The following PEAK1 variants were observed in gnomAD, a reference collection of about 807,000 sequenced individuals.
PEAK1 encodes pseudopodium enriched atypical kinase 1, also known as inactive tyrosine-protein kinase PEAK1.
Under a neutral mutation model 124.7 loss-of-function variants are expected in PEAK1, and 54 were observed. The ratio of observed to expected loss-of-function variants is 0.43; its 90% CI spans 0.35 to 0.54. PEAK1 has a LOEUF of 0.54. PEAK1 is among the 20% of genes least tolerant of loss of function. The pLI, the probability that PEAK1 is intolerant of heterozygous loss-of-function variation, is 0.01. For missense variants in PEAK1, 2,046 were observed against 2,134.5 expected (o/e 0.96, Z 0.82); for synonymous variants, 719 against 760.0 (o/e 0.95, Z 0.89).
intron 6 of PEAK1, among the ~76,000 whole-genome samples, chr15:77,232,514 C>T (rs959921973): frequency 6.6e-5 from 10 of 152,192 alleles, no homozygotes; most frequent in East Asian, 1.9e-4. Context: ...CCAGGTCACT[C>T]GCTACTTAGC....
intron 6 of PEAK1, among the ~76,000 whole-genome samples, chr15:77,222,643 T>C (rs2059440740): frequency 6.6e-6 from 1 of 151,886 alleles, no homozygotes; most frequent in South Asian, 2.1e-4. Flanking sequence ...TGGTGATTGA[T>C]TTTTCTTGCA....
intron 1 of PEAK1, chr15:77,402,082 C>T (rs1356313316): frequency 6.2e-6 from 5 of 806,422 alleles, no homozygotes; most frequent in Non-Finnish European, 7.5e-6. Flanking sequence ...ACCTATAATC[C>T]CAGCTACTAT....
intron 8 of PEAK1, among the ~76,000 whole-genome samples, chr15:77,148,095 C>T (rs907218899): frequency 6.6e-6 from 1 of 152,094 alleles, no homozygotes; most frequent in African/African-American, 2.4e-5. Context: ...ACAAGAATGA[C>T]ATCTGAATTA....
chr15:77,238,200 G>C (rs1250882574), intron 6 of PEAK1, among the ~76,000 whole-genome samples: 1 of 152,006 alleles, frequency 6.6e-6, no homozygotes, highest in Non-Finnish European at 1.5e-5. Context: ...AATTTGGGCA[G>C]GTATTGAACT....
chr15:77,282,144 C>T (rs184659268), intron 5 of PEAK1, among the ~76,000 whole-genome samples: 1 of 152,244 alleles, frequency 6.6e-6, no homozygotes, highest in Admixed American at 6.5e-5. Context: ...TTAGATCACA[C>T]ACCCAAATAT....
intron 8 of PEAK1, among the ~76,000 whole-genome samples, chr15:77,136,797 T>C (rs1232389223): frequency 6.6e-6 from 1 of 152,206 alleles, no homozygotes; most frequent in Non-Finnish European, 1.5e-5. Flanking sequence ...TGCAGAAACT[T>C]GCATAAGTAA....
intron 6 of PEAK1, among the ~76,000 whole-genome samples, chr15:77,214,165 T>C (rs2059033377): frequency 6.6e-6 from 1 of 152,154 alleles, no homozygotes. Flanking sequence ...AATGTATTCT[T>C]CACCAGTTTT....
intron 6 of PEAK1, among the ~76,000 whole-genome samples, chr15:77,198,258 C>T (rs1295445600): frequency 6.6e-6 from 1 of 152,184 alleles, no homozygotes; most frequent in Non-Finnish European, 1.5e-5. Context: ...CAGTTCATCT[C>T]TCCAATAAAT....
rs886598708 is a variant in PEAK1 at position 77,331,544 on chromosome 15, C to T, written c.-603+33619G>A. ...TTCCTGCACAGCTCTGATAATTTCTCTAGGATAAATTATTTTAAGTACAAT... is the reference window on the plus strand; with the variant it reads ...TTCCTGCACAGCTCTGATAATTTCTTTAGGATAAATTATTTTAAGTACAAT... On this transcript the variant is annotated intron_variant, in intron 2 of 9. Coordinates refer to ENST00000682557, the MANE Select transcript of PEAK1 (RefSeq NM_001385026.1). Among the ~76,000 whole-genome samples, 10 of 152,284 alleles carry T rather than the reference C, an allele frequency of 6.6e-5. No homozygotes were observed. The East Asian group carries it at 9.6e-4, about 15-fold the overall frequency.
intron 9 of PEAK1, among the ~76,000 whole-genome samples, chr15:77,121,371 C>G (rs2051902836): frequency 6.6e-6 from 1 of 152,148 alleles, no homozygotes; most frequent in Non-Finnish European, 1.5e-5. Context: ...CCAGTGCTGC[C>G]ATAGGGCTTA....
At chr15:77,318,074 A>C (rs935176323) in intron 2 of PEAK1, among the ~76,000 whole-genome samples, 3 of 152,170 alleles carry the variant, frequency 2.0e-5, no homozygotes, top group African/African-American at 7.2e-5. Flanking sequence ...GGGTAGCATA[A>C]GGGAGATCTT....
At chr15:77,172,216 T>A (rs1440580579) in intron 7 of PEAK1, among the ~76,000 whole-genome samples, 3 of 152,214 alleles carry the variant, frequency 2.0e-5, no homozygotes, top group Non-Finnish European at 2.9e-5. Context: ...TACTCATGTA[T>A]AATTTTATAA....
At chr15:77,320,731 A>C (rs1213033052) in intron 2 of PEAK1, among the ~76,000 whole-genome samples, 1 of 152,116 alleles carries the variant, frequency 6.6e-6, no homozygotes, top group Non-Finnish European at 1.5e-5. Context: ...ACATATGTAT[A>C]CATGTGCCAT....
chr15:77,389,546 T>C (rs1212702560), intron 1 of PEAK1, among the ~76,000 whole-genome samples: 25 of 152,158 alleles, frequency 1.6e-4, no homozygotes, highest in Admixed American at 1.6e-3. Flanking sequence ...ACATGAAATT[T>C]TATAGGTTAT....
At chr15:77,346,521 T>A in intron 2 of PEAK1, 1 of 985,390 alleles carries the variant, frequency 1.0e-6, no homozygotes, top group Non-Finnish European at 1.2e-6. Flanking sequence ...ATGACTAGGA[T>A]GTACGGGCTC....
At chr15:77,184,673 G>C (rs2057449640) in intron 6 of PEAK1, among the ~76,000 whole-genome samples, 1 of 152,180 alleles carries the variant, frequency 6.6e-6, no homozygotes, top group Non-Finnish European at 1.5e-5. Flanking sequence ...GAGGCGGGTG[G>C]ATCACTTGAG....
At chr15:77,259,278 T>A (rs994239525) in intron 5 of PEAK1, among the ~76,000 whole-genome samples, 2 of 152,196 alleles carry the variant, frequency 1.3e-5, no homozygotes, top group Admixed American at 6.5e-5. Context: ...GGTAATGCCA[T>A]TCCTTCATAT....
At chr15:77,322,423 G>T (rs1012472270) in intron 2 of PEAK1, among the ~76,000 whole-genome samples, 1 of 151,832 alleles carries the variant, frequency 6.6e-6, no homozygotes, top group Non-Finnish European at 1.5e-5. Context: ...TCAAATAGAC[G>T]CAATAAAAAA....
At chr15:77,285,428 T>C (rs1315962713) in intron 3 of PEAK1, among the ~76,000 whole-genome samples, 3 of 152,206 alleles carry the variant, frequency 2.0e-5, no homozygotes, top group Admixed American at 1.3e-4. Context: ...AAATTCCTTA[T>C]ATGAAATACA....
Sources: allele counts gnomAD v4.1 joint callset (sites outside exome capture counted in the v4.1 genomes callset), GRCh38; gene constraint gnomAD v4.1.1; transcripts MANE v1.5; gene names NCBI Gene and HGNC (gene_info 2026-07-23, HGNC 2026-07-21).